The following CCR5AS variants were observed in gnomAD, a reference collection of about 807,000 sequenced individuals.
CCR5AS encodes CCR5 antisense RNA.
exon 4 of CCR5AS, among the ~76,000 whole-genome samples, chr3:46,364,762 C>T (rs1450373388): frequency 6.6e-6 from 1 of 152,126 alleles, no homozygotes; most frequent in Non-Finnish European, 1.5e-5. Context: ...CCATTAGGAA[C>T]ATTTGTAATT....
At chr3:46,371,411 G>A (rs1701658326) in exon 3 of CCR5AS, 2 of 152,130 alleles carry the variant, frequency 1.3e-5, no homozygotes, top group Non-Finnish European at 2.9e-5. Context: ...CCAGACAAGA[G>A]GGAAGCCTAA....
chr3:46,377,210 G>A (rs1288970698), intron 2 of CCR5AS, among the ~76,000 whole-genome samples: 1 of 152,164 alleles, frequency 6.6e-6, no homozygotes, highest in Non-Finnish European at 1.5e-5. Context: ...TTAGCACGAA[G>A]AAAAGCTATT....
In CCR5AS at chr3:46,372,307, G is replaced by A. The variant is rs190462461; in HGVS notation, n.392-890C>T. 3.0e-4 allele frequency among the ~76,000 whole-genome samples: 46 copies of A among 152,292 alleles called. 1 individual carries two copies. The highest frequency in any genetic ancestry group is 2.5e-3 in the Admixed American group (39 of 15,306). On this transcript the variant is annotated intron_variant and non_coding_transcript_variant, in intron 2 of 3. Coordinates refer to ENST00000451485, the Ensembl canonical transcript of CCR5AS. ...GCATTCTAGGAGGCTGAGGCAGGAG[G>A]ATCGCTTGAGCCCAGGAGTTCGAGA...
intron 2 of CCR5AS, among the ~76,000 whole-genome samples, chr3:46,391,567 A>T (rs1303215912): frequency 1.3e-5 from 2 of 152,312 alleles, no homozygotes; most frequent in African/African-American, 4.8e-5. Flanking sequence ...CTGGGTTTTC[A>T]TATTTGATGA....
At chr3:46,369,645 C>G (rs1701635494) in intron 3 of CCR5AS, among the ~76,000 whole-genome samples, 1 of 152,168 alleles carries the variant, frequency 6.6e-6, no homozygotes, top group Admixed American at 6.5e-5. Flanking sequence ...TGACAAAGGA[C>G]TGCTGAAAGA....
intron 2 of CCR5AS, among the ~76,000 whole-genome samples, chr3:46,391,288 G>A (rs1226265598): frequency 6.6e-6 from 1 of 152,194 alleles, no homozygotes; most frequent in Non-Finnish European, 1.5e-5. Flanking sequence ...TGTGGCTGGG[G>A]TTTCTCTTAC....
chr3:46,389,547 G>T (rs150240869), intron 2 of CCR5AS, among the ~76,000 whole-genome samples: 1 of 152,192 alleles, frequency 6.6e-6, no homozygotes, highest in Admixed American at 6.5e-5. Flanking sequence ...GCAACAGGTC[G>T]TGGGCCTGGA....
At chr3:46,401,954 T>C (rs1379637630) in intron 1 of CCR5AS, among the ~76,000 whole-genome samples, 1 of 152,104 alleles carries the variant, frequency 6.6e-6, no homozygotes, top group Non-Finnish European at 1.5e-5. Context: ...AAACACTCCA[T>C]ACCCTTTCTT....
chr3:46,378,853 T>G (rs1165761538), intron 2 of CCR5AS, among the ~76,000 whole-genome samples: 1 of 152,176 alleles, frequency 6.6e-6, no homozygotes, highest in East Asian at 1.9e-4. Context: ...TGCAACAAGA[T>G]CAGAAAATGT....
chr3:46,364,567 G>A (rs959658469), exon 4 of CCR5AS, among the ~76,000 whole-genome samples: 1 of 151,978 alleles, frequency 6.6e-6, no homozygotes, highest in African/African-American at 2.4e-5. Flanking sequence ...CATCCATTCT[G>A]CAGTCCATGG....
chr3:46,372,768 A>C (rs780041483), intron 2 of CCR5AS: 16 of 662,936 alleles, frequency 2.4e-5, no homozygotes, highest in Non-Finnish European at 3.2e-5. Context: ...AAGAGAGTTA[A>C]TTCAATGTAG....
chr3:46,385,663 C>A (rs1476946693), intron 2 of CCR5AS, among the ~76,000 whole-genome samples: 1 of 152,128 alleles, frequency 6.6e-6, no homozygotes, highest in African/African-American at 2.4e-5. Flanking sequence ...ATGTAGAAGC[C>A]CCAAACCCTA....
intron 2 of CCR5AS, among the ~76,000 whole-genome samples, chr3:46,390,083 G>C (rs1466727704): frequency 6.6e-6 from 1 of 152,182 alleles, no homozygotes; most frequent in Admixed American, 6.5e-5. Context: ...TGGGTGAAAA[G>C]AAAGCAGATC....
chr3:46,375,077 G>A (rs1339360117), intron 2 of CCR5AS: 1 of 167,200 alleles, frequency 6.0e-6, no homozygotes, highest in South Asian at 2.1e-4. Flanking sequence ...AGGAGGAGGA[G>A]GAGGTTTAGG....
At chr3:46,373,167 T>C (rs1701690127) in intron 2 of CCR5AS, 3 of 1,614,120 alleles carry the variant, frequency 1.9e-6, no homozygotes, top group Non-Finnish European at 2.5e-6. Context: ...CTGGGCTCAC[T>C]ATGCTGCCGC....
intron 2 of CCR5AS, among the ~76,000 whole-genome samples, chr3:46,391,533 T>C (rs1701914371): frequency 6.6e-6 from 1 of 152,188 alleles, no homozygotes; most frequent in Admixed American, 6.5e-5. Context: ...CTAAGGGTTG[T>C]TGCCAAACAG....
At chr3:46,393,469 A>AG (rs1426228704) in intron 1 of CCR5AS, among the ~76,000 whole-genome samples, 1 of 145,478 alleles carries the variant, frequency 6.9e-6, no homozygotes, top group Non-Finnish European at 1.5e-5. Context: ...ACAAAAAAAA[A>AG]AGAAAAGAAA....
intron 2 of CCR5AS, chr3:46,373,691 C>A: frequency 1.2e-6 from 2 of 1,614,138 alleles, no homozygotes; most frequent in Non-Finnish European, 1.7e-6. Flanking sequence ...TCCAGGAATT[C>A]TTTGGCCTGA....
At chr3:46,391,393 G>A (rs1296649990) in intron 2 of CCR5AS, among the ~76,000 whole-genome samples, 4 of 152,202 alleles carry the variant, frequency 2.6e-5, no homozygotes, top group African/African-American at 7.2e-5. Flanking sequence ...ATTAAATCCT[G>A]TTGTGGGGTT....
Sources: allele counts gnomAD v4.1 joint callset (sites outside exome capture counted in the v4.1 genomes callset), GRCh38; gene constraint gnomAD v4.1.1; transcripts MANE v1.5; gene names NCBI Gene and HGNC (gene_info 2026-07-23, HGNC 2026-07-21).